The following ETV7 variants were observed in gnomAD, a reference collection of about 807,000 sequenced individuals.
The protein encoded by ETV7 is transcription factor ETV7.
ETV7 carries 43 observed loss-of-function variants against 39.1 expected under a neutral mutation model. The ratio of observed to expected loss-of-function variants is 1.10; its 90% CI spans 0.86 to 1.42. The LOEUF is 1.42. ETV7 is among the 40% of genes most tolerant of loss of function. The pLI, the probability that ETV7 is intolerant of heterozygous loss-of-function variation, is 0.00. For missense variants in ETV7, 432 were observed against 442.3 expected, an observed-to-expected ratio of 0.98 and a Z score of 0.21; for synonymous variants, 196 against 176.6, an observed-to-expected ratio of 1.11 and a Z score of -0.87.
intron 3 of ETV7, 75 bp downstream of exon 3, chr6:36,375,796 G>GC (rs755983166): frequency 1.2e-6 from 2 of 1,605,416 alleles, no homozygotes; most frequent in Non-Finnish European, 1.7e-6. Context: ...CCCTCCCTGG[G>GC]CCCCCCGGGG....
chr6:36,364,641 G>A (rs1772653595), downstream of ETV7, among the ~76,000 whole-genome samples: 1 of 152,254 alleles, frequency 6.6e-6, no homozygotes, highest in African/African-American at 2.4e-5. Context: ...AGCTGAGGGA[G>A]CCGGCTCTGG....
At position 36,379,757 on chromosome 6, in the gene ETV7, T is replaced by A. The variant is rs35159207; in HGVS notation, c.143-3722A>T. Among the ~76,000 whole-genome samples, 922 of 150,720 alleles carry A rather than the reference T, an allele frequency of 6.1e-3. 6 individuals are homozygous for A. The highest frequency in any genetic ancestry group is 9.2e-3 in the Non-Finnish European group (625 of 67,790). On this transcript the variant is annotated intron_variant, in intron 2 of 7. Transcript: ENST00000340181. The stretch of plus-strand genomic sequence containing the variant: ...CAGGCACAGTGGCACGTGCCTGTAA[T>A]CCCAACTACTTGGGAGGCTGAGACG...
At chr6:36,370,632 G>A (rs1271841267) in intron 5 of ETV7, among the ~76,000 whole-genome samples, 5 of 151,658 alleles carry the variant, frequency 3.3e-5, no homozygotes, top group East Asian at 3.8e-4. Context: ...TCAGTGGCAC[G>A]CAATTTACCC....
chr6:36,365,822 AATGAG>A (rs1231757198), downstream of ETV7, among the ~76,000 whole-genome samples: 1 of 152,216 alleles, frequency 6.6e-6, no homozygotes, highest in Non-Finnish European at 1.5e-5. Flanking sequence ...GAGTGAATTA[AATGAG>A]ATAAGATATC....
At chr6:36,362,894 A>G (rs775960319), downstream of ETV7, among the ~76,000 whole-genome samples, 45 of 152,342 alleles carry the variant, frequency 3.0e-4, no homozygotes, top group African/African-American at 8.7e-4. Context: ...AACACCACTT[A>G]TAACTGGAAG....
At position 36,375,902 on chromosome 6, in the gene ETV7, C is replaced by CTTGGTGA. The variant is rs1320421516; in HGVS notation, c.269_275dup (p.Lys92AsnfsTer15). ...TGGGCGCACGGTGCCGGAAGTCGTCCTTGGTGAGGATGCAGAGGGCGCGTC... is the reference window on the plus strand; with the variant it reads ...TGGGCGCACGGTGCCGGAAGTCGTCCTTGGTGATTGGTGAGGATGCAGAGGGCGCGTC... On this transcript the variant is annotated frameshift_variant, in exon 3 of 8. Transcript: ENST00000340181. LOFTEE classifies it high-confidence loss of function. The CTTGGTGA allele has an allele frequency of 6.2e-7, 1 of 1,613,918 alleles. No individual in the cohort carries two copies. Among genetic ancestry groups the CTTGGTGA allele is most frequent in the Non-Finnish European group, 8.5e-7 (1 of 1,180,002 alleles).
chr6:36,362,511 G>A (rs376218236), downstream of ETV7, among the ~76,000 whole-genome samples: 1 of 152,048 alleles, frequency 6.6e-6, no homozygotes, highest in Non-Finnish European at 1.5e-5. Context: ...TCAATGACCT[G>A]CCACTTTTCA....
intron 5 of ETV7, among the ~76,000 whole-genome samples, chr6:36,369,744 T>C (rs2127388789): frequency 6.6e-6 from 1 of 152,340 alleles, no homozygotes; most frequent in South Asian, 2.1e-4. Context: ...GTGCCTGGTA[T>C]ACTGTAAGTG....
chr6:36,356,228 A>C (rs1206786775), intron 7 of ETV7, among the ~76,000 whole-genome samples: 1 of 144,002 alleles, frequency 6.9e-6, no homozygotes, highest in Non-Finnish European at 1.5e-5. Context: ...TGAGCTCAGG[A>C]GTTTTGAGAC....
chr6:36,379,384 CA>C (rs1043978757), intron 2 of ETV7, among the ~76,000 whole-genome samples: 5 of 151,554 alleles, frequency 3.3e-5, no homozygotes, highest in African/African-American at 4.9e-5. Flanking sequence ...ACTCTACAAA[CA>C]AAAAAATTTT....
chr6:36,375,448 C>A (rs952800373), intron 3 of ETV7, among the ~76,000 whole-genome samples: 1 of 152,120 alleles, frequency 6.6e-6, no homozygotes, highest in African/African-American at 2.4e-5. Flanking sequence ...TGGTTAAAAT[C>A]AAAAGTCATA....
intron 4 of ETV7, 83 bp from the exon 5 acceptor site, chr6:36,371,643 C>A: frequency 1.6e-6 from 2 of 1,227,412 alleles, no homozygotes. Flanking sequence ...AGCCTGGGAG[C>A]CCTGTGGGGC....
intron 5 of ETV7, among the ~76,000 whole-genome samples, chr6:36,370,443 G>T (rs529316188): frequency 6.6e-6 from 1 of 152,124 alleles, no homozygotes; most frequent in African/African-American, 2.4e-5. Flanking sequence ...GCTGAGGCAG[G>T]AGAATCGCTT....
At chr6:36,361,398 T>C (rs1023329646), downstream of ETV7, among the ~76,000 whole-genome samples, 2 of 152,264 alleles carry the variant, frequency 1.3e-5, no homozygotes, top group South Asian at 2.1e-4. Context: ...CTGTGTTTTC[T>C]GTGTGTCTCT....
intron 7 of ETV7, among the ~76,000 whole-genome samples, chr6:36,357,920 C>T (rs1010182512): frequency 7.9e-5 from 12 of 152,052 alleles, no homozygotes; most frequent in Non-Finnish European, 1.5e-4. Flanking sequence ...CTCCCCAATC[C>T]TTCACGCTTT....
intron 2 of ETV7, among the ~76,000 whole-genome samples, chr6:36,380,179 C>T (rs1037947207): frequency 6.6e-6 from 1 of 152,182 alleles, no homozygotes; most frequent in African/African-American, 2.4e-5. Flanking sequence ...TGGGTATTAT[C>T]TAGGGCGTCA....
intron 2 of ETV7, among the ~76,000 whole-genome samples, chr6:36,382,549 G>C (rs1286018880): frequency 6.6e-6 from 1 of 152,098 alleles, no homozygotes; most frequent in Non-Finnish European, 1.5e-5. Context: ...CTGGAATACC[G>C]GGAAGCCACA....
At chr6:36,385,713 T>C in intron 1 of ETV7, 44 bp from the exon 2 acceptor site, 1 of 1,560,260 alleles carries the variant, frequency 6.4e-7, no homozygotes, top group Non-Finnish European at 8.6e-7. Flanking sequence ...AGCATCTTGG[T>C]GAAGGCTCAG....
rs746652543 is a variant in ETV7, at chr6:36,373,582, G to A, written c.308-4C>T. 6.7e-6 allele frequency: 10 copies of A among 1,484,978 alleles called. No individual in the cohort carries two copies. In the South Asian group the frequency reaches 1.3e-4, roughly 19 times the overall value. The allele number at this position is 1,484,978 out of a possible 1,614,324, so 92.0% of individuals were successfully genotyped here. ...AGCAGCTCATACAGGACGTCACCTGGAGGTGGGTGGGAGGGAGGGCAGGCT... is the reference window on the plus strand; with the variant it reads ...AGCAGCTCATACAGGACGTCACCTGAAGGTGGGTGGGAGGGAGGGCAGGCT... On this transcript the variant is annotated splice_region_variant and splice_polypyrimidine_tract_variant and intron_variant, in intron 3 of 7. Coordinates refer to ENST00000340181, the MANE Select transcript of ETV7 (RefSeq NM_016135.4).
Sources: gnomAD v4.1 joint callset for allele counts (sites outside exome capture counted in the v4.1 genomes callset) on GRCh38, gnomAD v4.1.1 for gene constraint, MANE v1.5 for transcripts, NCBI Gene and HGNC (gene_info 2026-07-23, HGNC 2026-07-21) for gene names.